The following DLG2 variants were observed in gnomAD, a reference collection of about 807,000 sequenced individuals.
DLG2 encodes the protein disks large homolog 2.
A neutral mutation model predicts 132.5 loss-of-function variants in DLG2; 45 were observed. The observed-to-expected ratio is 0.34, with a 90% CI of 0.27 to 0.44. DLG2 has a LOEUF of 0.44. DLG2 is among the 20% of genes least tolerant of loss of function. DLG2 has a pLI of 1.00. For missense variants in DLG2, 1,045 were observed against 1,196.9 expected, an observed-to-expected ratio of 0.87 and a Z score of 1.87; for synonymous variants, 424 against 419.6, an observed-to-expected ratio of 1.01 and a Z score of -0.13.
intron 6 of DLG2, among the ~76,000 whole-genome samples, chr11:84,908,232 ATAC>A (rs1302578856): frequency 7.2e-5 from 11 of 152,210 alleles, no homozygotes; most frequent in Admixed American, 2.6e-4. Flanking sequence ...ATCAATTTTA[ATAC>A]TACATTTTAT....
At chr11:85,473,124 C>A (rs1379364042) in intron 3 of DLG2, among the ~76,000 whole-genome samples, 1 of 152,196 alleles carries the variant, frequency 6.6e-6, no homozygotes, top group Non-Finnish European at 1.5e-5. Context: ...AGAGCTGGCA[C>A]CTGAAGCCGC....
intron 6 of DLG2, among the ~76,000 whole-genome samples, chr11:84,903,204 C>T (rs778365816): frequency 6.6e-6 from 1 of 152,116 alleles, no homozygotes; most frequent in Non-Finnish European, 1.5e-5. Flanking sequence ...AAACCTTTAG[C>T]GAATACAAAG....
chr11:84,543,724 G>C (rs2099383976), intron 6 of DLG2, among the ~76,000 whole-genome samples: 2 of 152,136 alleles, frequency 1.3e-5, no homozygotes, highest in African/African-American at 4.8e-5. Flanking sequence ...AAGAACCCTT[G>C]AAAGAGGAAT....
intron 15 of DLG2, among the ~76,000 whole-genome samples, chr11:83,901,502 C>T (rs572807973): frequency 1.3e-5 from 2 of 152,080 alleles, no homozygotes; most frequent in Non-Finnish European, 2.9e-5. Context: ...TCACGAGATC[C>T]GATGGTTTTA....
intron 3 of DLG2, among the ~76,000 whole-genome samples, chr11:85,536,102 G>C (rs1188434334): frequency 5.3e-5 from 8 of 150,772 alleles, no homozygotes; most frequent in African/African-American, 2.0e-4. Context: ...CTGTAGTCCA[G>C]CTACTTGGGA....
At chr11:84,108,484 G>A (rs978005086) in intron 9 of DLG2, among the ~76,000 whole-genome samples, 7 of 152,032 alleles carry the variant, frequency 4.6e-5, no homozygotes, top group African/African-American at 1.7e-4. Flanking sequence ...GAGAAGAGGA[G>A]TATGATGTGA....
intron 3 of DLG2, among the ~76,000 whole-genome samples, chr11:85,297,685 G>A (rs1272853130): frequency 1.3e-5 from 2 of 151,952 alleles, no homozygotes; most frequent in Middle Eastern, 3.4e-3. Flanking sequence ...AAGCCACTGG[G>A]TGAAGTAGAG....
At chr11:85,212,852 T>C (rs150622273) in intron 4 of DLG2, among the ~76,000 whole-genome samples, 3 of 152,216 alleles carry the variant, frequency 2.0e-5, no homozygotes, top group Admixed American at 2.0e-4. Flanking sequence ...AAAAGACCTT[T>C]CTCATCCTAT....
chr11:83,478,106 G>A (rs2092769102), intron 22 of DLG2, among the ~76,000 whole-genome samples: 1 of 152,038 alleles, frequency 6.6e-6, no homozygotes, highest in Non-Finnish European at 1.5e-5. Flanking sequence ...CTGAGATCTA[G>A]AGTTAGTTGA....
chr11:84,740,547 G>C (rs1027849424), intron 6 of DLG2, among the ~76,000 whole-genome samples: 1 of 152,000 alleles, frequency 6.6e-6, no homozygotes, highest in Non-Finnish European at 1.5e-5. Context: ...AGAGAACAAA[G>C]CCGCCTCTGG....
In DLG2 at chr11:84,707,067, A is replaced by G. The variant is rs373964483; in HGVS notation, c.358-172336T>C. Among the ~76,000 whole-genome samples, 77 of 151,902 alleles carry G rather than the reference A, an allele frequency of 5.1e-4. 3 individuals are homozygous for G. In the South Asian group the frequency reaches 0.016, roughly 32 times the overall value. ...TATCCTTTCTGGTCAGAAAAATCTG[A>G]AAGTTATCTTCCTGAGTCCAAAGAA... On this transcript the variant is annotated intron_variant, in intron 6 of 27. Transcript: ENST00000376104.
chr11:85,588,740 G>A (rs2079121166), intron 3 of DLG2, among the ~76,000 whole-genome samples: 1 of 151,950 alleles, frequency 6.6e-6, no homozygotes, highest in African/African-American at 2.4e-5. Flanking sequence ...TGGTCTCTTA[G>A]GGGTGTTGTA....
At chr11:83,871,396 TTA>T (rs925990681) in intron 16 of DLG2, among the ~76,000 whole-genome samples, 2 of 152,220 alleles carry the variant, frequency 1.3e-5, no homozygotes, top group Admixed American at 6.5e-5. Context: ...TCCACTTATT[TTA>T]TGTCAAGTAA....
intron 3 of DLG2, among the ~76,000 whole-genome samples, chr11:85,486,489 C>T (rs1459593166): frequency 1.3e-5 from 2 of 152,192 alleles, no homozygotes; most frequent in East Asian, 1.9e-4. Flanking sequence ...TCCTATCCCC[C>T]AAGTACTTGA....
At chr11:85,378,734 A>G (rs946981777) in intron 3 of DLG2, among the ~76,000 whole-genome samples, 2 of 152,208 alleles carry the variant, frequency 1.3e-5, no homozygotes, top group African/African-American at 2.4e-5. Context: ...AATATTTAAT[A>G]CATGCCATTA....
intron 17 of DLG2, chr11:83,791,189 C>T (rs190914080): frequency 3.5e-5 from 22 of 635,906 alleles, no homozygotes; most frequent in Middle Eastern, 2.7e-4. Context: ...GTGATGGCTG[C>T]GGAGGGAGGT....
At chr11:85,000,367 T>C (rs1053577463) in intron 6 of DLG2, among the ~76,000 whole-genome samples, 1 of 152,192 alleles carries the variant, frequency 6.6e-6, no homozygotes, top group Non-Finnish European at 1.5e-5. Flanking sequence ...AAAACATATT[T>C]GCCGAATGAA....
chr11:83,699,004 G>T (rs1437293651), intron 18 of DLG2, among the ~76,000 whole-genome samples: 3 of 152,110 alleles, frequency 2.0e-5, no homozygotes, highest in South Asian at 2.1e-4. Context: ...TCCAGCAGGG[G>T]CAGAAAAAAA....
chr11:84,067,135 C>A (rs2096686564), intron 10 of DLG2, among the ~76,000 whole-genome samples: 2 of 152,024 alleles, frequency 1.3e-5, no homozygotes, highest in Middle Eastern at 3.2e-3. Flanking sequence ...GAGTTCGAGA[C>A]CAGCCAGACC....
Sources: allele counts gnomAD v4.1 joint callset (sites outside exome capture counted in the v4.1 genomes callset), GRCh38; gene constraint gnomAD v4.1.1; transcripts MANE v1.5; gene names NCBI Gene and HGNC (gene_info 2026-07-23, HGNC 2026-07-21).